FARS2: variants seen among roughly 807,000 people sequenced by gnomAD.
The protein encoded by FARS2 is phenylalanyl-tRNA synthetase 2, mitochondrial, also known as phenylalanine--tRNA ligase, mitochondrial.
In FARS2, 40 loss-of-function variants were observed where a neutral mutation model predicts 46.4. The observed-to-expected ratio is 0.86, with a 90% CI of 0.67 to 1.12. FARS2 has a LOEUF of 1.12. Among genes scored for constraint, FARS2 ranks in the 50% most tolerant of loss-of-function variants. The pLI, the probability that FARS2 is intolerant of heterozygous loss-of-function variation, is 0.00. For synonymous variants in FARS2, 234 were observed against 214.9 expected (o/e 1.09, Z -0.78); for missense variants, 513 against 567.9 (o/e 0.90, Z 0.98).
At chr6:5,564,747 A>G (rs1772227895) in intron 5 of FARS2, among the ~76,000 whole-genome samples, 1 of 152,226 alleles carries the variant, frequency 6.6e-6, no homozygotes, top group African/African-American at 2.4e-5. Context: ...AGCCAAGCCC[A>G]GCCATGGGTT....
chr6:5,652,814 C>T (rs1364687852), intron 6 of FARS2, among the ~76,000 whole-genome samples: 2 of 152,198 alleles, frequency 1.3e-5, no homozygotes, highest in Non-Finnish European at 2.9e-5. Flanking sequence ...TGACTGCTCC[C>T]GAGGCGCTAG....
intron 2 of FARS2, among the ~76,000 whole-genome samples, chr6:5,380,520 G>A (rs1019759860): frequency 6.6e-6 from 1 of 152,142 alleles, no homozygotes; most frequent in African/African-American, 2.4e-5. Context: ...GGGATGGAGT[G>A]GTCTAATTTC....
At chr6:5,334,564 G>A (rs180899786) in intron 1 of FARS2, among the ~76,000 whole-genome samples, 1 of 152,280 alleles carries the variant, frequency 6.6e-6, no homozygotes, top group Admixed American at 6.5e-5. Context: ...ATGCACTACT[G>A]TACTGCTGTG....
At chr6:5,449,902 C>A (rs1482987368) in intron 4 of FARS2, among the ~76,000 whole-genome samples, 3 of 152,158 alleles carry the variant, frequency 2.0e-5, no homozygotes, top group Non-Finnish European at 2.9e-5. Flanking sequence ...ATATGGTCAT[C>A]CCTTGGTATA....
chr6:5,463,584 A>G (rs769664359), intron 4 of FARS2, among the ~76,000 whole-genome samples: 6 of 152,258 alleles, frequency 3.9e-5, no homozygotes, highest in Non-Finnish European at 7.3e-5. Context: ...TATCATAGGA[A>G]AAATTTTCAA....
intron 1 of FARS2, among the ~76,000 whole-genome samples, chr6:5,347,835 T>A (rs934177192): frequency 6.6e-6 from 1 of 152,150 alleles, no homozygotes; most frequent in Non-Finnish European, 1.5e-5. Context: ...TTAAATTTAG[T>A]TTTTCTACTG....
intron 4 of FARS2, among the ~76,000 whole-genome samples, chr6:5,482,624 G>A (rs1426550099): frequency 1.3e-5 from 2 of 152,134 alleles, no homozygotes; most frequent in Admixed American, 1.3e-4. Context: ...CCCCAGGGAG[G>A]TGAGAGTCTA....
At chr6:5,397,204 T>C (rs1415310195) in intron 2 of FARS2, among the ~76,000 whole-genome samples, 3 of 152,166 alleles carry the variant, frequency 2.0e-5, no homozygotes, top group Non-Finnish European at 4.4e-5. Flanking sequence ...CTGAAAAGGC[T>C]CCATACTCTA....
intron 5 of FARS2, among the ~76,000 whole-genome samples, chr6:5,580,673 G>T (rs553482781): frequency 5.8e-4 from 89 of 152,272 alleles, no homozygotes; most frequent in Non-Finnish European, 1.9e-4. Context: ...TGTGTGCAGG[G>T]ATAGTGCTAG....
chr6:5,364,036 C>T (rs1758490520), intron 1 of FARS2, among the ~76,000 whole-genome samples: 1 of 152,132 alleles, frequency 6.6e-6, no homozygotes, highest in East Asian at 1.9e-4. Flanking sequence ...ATCTGTTTCC[C>T]TCTACAAAAG....
At chr6:5,261,109 A>G (rs1765083516), upstream of FARS2, 1 of 264,142 alleles carries the variant, frequency 3.8e-6, no homozygotes, top group Non-Finnish European at 6.0e-6. Flanking sequence ...CTCCTGGCGG[A>G]CGGATATCGG....
chr6:5,750,504 GC>G, intron 6 of FARS2, among the ~76,000 whole-genome samples: 1 of 152,286 alleles, frequency 6.6e-6, no homozygotes, highest in Admixed American at 6.5e-5. Flanking sequence ...CAGAGAGGAG[GC>G]CCAGTCAGGA....
Position 5,291,857 on chromosome 6 carries a change from G to T in FARS2, c.-22+30197G>T, listed in dbSNP as rs375169108. ...TTAATTTTACAAAGATGTGCAAACT[G>T]TTGTATATACAAAGTCTAATAAGAT... On this transcript the variant is annotated intron_variant, in intron 1 of 6. Coordinates refer to ENST00000274680, the MANE Select transcript of FARS2 (RefSeq NM_006567.5). Among the ~76,000 whole-genome samples, 9 of 152,266 alleles carry T rather than the reference G, an allele frequency of 5.9e-5. No homozygotes were observed. The South Asian group carries it at 1.5e-3, about 25-fold the overall frequency.
intron 2 of FARS2, among the ~76,000 whole-genome samples, chr6:5,381,416 C>CAG (rs1358836127): frequency 6.8e-6 from 1 of 147,966 alleles, no homozygotes; most frequent in African/African-American, 2.5e-5. Context: ...TACACACACA[C>CAG]ACACAGATGC....
intron 4 of FARS2, among the ~76,000 whole-genome samples, chr6:5,514,538 A>T (rs752914130): frequency 2.2e-4 from 33 of 152,224 alleles, no homozygotes; most frequent in Admixed American, 5.9e-4. Flanking sequence ...TTCACCCCAC[A>T]ATTGGCTGAA....
At chr6:5,477,871 T>C (rs1766214806) in intron 4 of FARS2, among the ~76,000 whole-genome samples, 1 of 151,628 alleles carries the variant, frequency 6.6e-6, no homozygotes, top group Non-Finnish European at 1.5e-5. Context: ...ATAAAAAAAA[T>C]GAGCTGGGCG....
rs549873329 is a variant in FARS2, at chr6:5,264,170, C to G, written c.-22+2510C>G. Among the ~76,000 whole-genome samples the G allele has an allele frequency of 1.9e-3, 289 of 152,226 alleles. 1 individual carries two copies. Among genetic ancestry groups the G allele is most frequent in the Non-Finnish European group, 3.0e-3 (201 of 67,992 alleles). On this transcript the variant is annotated intron_variant, in intron 1 of 6. Coordinates refer to ENST00000274680, the MANE Select transcript of FARS2 (RefSeq NM_006567.5). ...GCTGAGGTGGGAGGATTGCTTGAGC[C>G]CTGGAGGTTGAGGCTGCATTGAGCC...
At chr6:5,698,635 G>T (rs188175425) in intron 6 of FARS2, among the ~76,000 whole-genome samples, 1 of 152,252 alleles carries the variant, frequency 6.6e-6, no homozygotes, top group East Asian at 1.9e-4. Context: ...CATATAAATG[G>T]AATCTGGGCA....
the FARS2 span, among the ~76,000 whole-genome samples, chr6:5,251,304 C>T: frequency 6.6e-6 from 1 of 152,148 alleles, no homozygotes; most frequent in Non-Finnish European, 1.5e-5. Flanking sequence ...GTGAAAGGTG[C>T]TTGTTAATAC....
Sources: allele counts gnomAD v4.1 joint callset (sites outside exome capture counted in the v4.1 genomes callset), GRCh38; gene constraint gnomAD v4.1.1; transcripts MANE v1.5; gene names NCBI Gene and HGNC (gene_info 2026-07-23, HGNC 2026-07-21).